VSTM5: variants seen among roughly 807,000 people sequenced by gnomAD.
The protein encoded by VSTM5 is V-set and transmembrane domain-containing protein 5.
Under a neutral mutation model 20.3 loss-of-function variants are expected in VSTM5, and 21 were observed. The ratio of observed to expected loss-of-function variants is 1.03; its 90% CI spans 0.73 to 1.49. The LOEUF (loss-of-function observed/expected upper bound fraction) is 1.49. Among genes scored for constraint, VSTM5 ranks in the 40% most tolerant of loss-of-function variants. VSTM5 has a pLI of 0.00. For synonymous variants in VSTM5, 100 were observed against 102.5 expected (o/e 0.98, Z 0.14); for missense variants, 219 against 250.0 (o/e 0.88, Z 0.84).
At chr11:93,846,746 T>C (rs1250004943) in intron 1 of VSTM5, among the ~76,000 whole-genome samples, 1 of 143,430 alleles carries the variant, frequency 7.0e-6, no homozygotes, top group Non-Finnish European at 1.5e-5. Flanking sequence ...AATGAATGCA[T>C]TTTTAAAAAA....
At chr11:93,828,613 T>A (rs565229335) in intron 1 of VSTM5, among the ~76,000 whole-genome samples, 1 of 152,236 alleles carries the variant, frequency 6.6e-6, no homozygotes, top group East Asian at 1.9e-4. Context: ...CAACATAGTC[T>A]CTGCATTTAA....
chr11:93,839,638 G>A (rs1417849331), intron 1 of VSTM5, among the ~76,000 whole-genome samples: 1 of 152,160 alleles, frequency 6.6e-6, no homozygotes, highest in African/African-American at 2.4e-5. Context: ...GGGCAGTGGC[G>A]TGATCAGGCC....
intron 1 of VSTM5, among the ~76,000 whole-genome samples, chr11:93,837,190 C>T (rs1008118690): frequency 3.3e-5 from 5 of 152,082 alleles, no homozygotes; most frequent in African/African-American, 9.7e-5. Context: ...TGCCACCACA[C>T]CTGGCTAATT....
chr11:93,835,220 T>A (rs1437960534), intron 1 of VSTM5, among the ~76,000 whole-genome samples: 1 of 151,376 alleles, frequency 6.6e-6, no homozygotes, highest in East Asian at 1.9e-4. Context: ...AGGCCAGGAG[T>A]TCGAGAGCAG....
intron 1 of VSTM5, among the ~76,000 whole-genome samples, chr11:93,824,024 CAGCCTCCCGAGT>C (rs1380997935): frequency 1.3e-5 from 2 of 152,008 alleles, no homozygotes; most frequent in African/African-American, 4.8e-5. Context: ...TCTCCTGTCT[CAGCCTCCCGAGT>C]AGCTGGGATT....
At chr11:93,838,364 C>T (rs538709652) in intron 1 of VSTM5, among the ~76,000 whole-genome samples, 7 of 151,914 alleles carry the variant, frequency 4.6e-5, no homozygotes, top group Non-Finnish European at 8.8e-5. Flanking sequence ...CATAGCTACT[C>T]GGGAGACTGA....
intron 1 of VSTM5, among the ~76,000 whole-genome samples, chr11:93,848,689 G>A (rs1449664705): frequency 6.6e-6 from 1 of 152,202 alleles, no homozygotes; most frequent in Non-Finnish European, 1.5e-5. Context: ...TTGCATGTCT[G>A]TCTTCTCCAT....
chr11:93,822,928 TTATA>T (rs563817671), intron 1 of VSTM5, among the ~76,000 whole-genome samples: 294 of 152,346 alleles, frequency 1.9e-3, no homozygotes, highest in Non-Finnish European at 3.5e-3. Flanking sequence ...CGAATCTATA[TTATA>T]ACTTCTGCGC....
In VSTM5 at chr11:93,850,506, C is replaced by A. The variant is rs570082851; in HGVS notation, c.-4G>T. On this transcript the variant is annotated 5_prime_UTR_variant, in exon 1 of 4. Transcript: ENST00000409977. ...TCCCGCTGGGCAGAGGCCTCATGGGCGAGCCCGGGGCCTCGCGGGCCGGGG... is the reference window on the plus strand; with the variant it reads ...TCCCGCTGGGCAGAGGCCTCATGGGAGAGCCCGGGGCCTCGCGGGCCGGGG... 5.0e-5 allele frequency: 77 copies of A among 1,548,124 alleles called. No individual in the cohort carries two copies. In the African/African-American group the frequency reaches 8.9e-4, roughly 18 times the overall value.
rs369402991 is a variant in VSTM5 at position 93,827,063 on chromosome 11, A to C, written c.92-5740T>G. ...GAACAAAGCGGTTTCTCCTTCCATC[A>C]ATCTATCACATATAATTAGGAATAA... On this transcript the variant is annotated intron_variant, in intron 1 of 3. Transcript: ENST00000409977. 1.5e-3 allele frequency among the ~76,000 whole-genome samples: 227 copies of C among 152,272 alleles called. 1 individual carries two copies. The highest frequency in any genetic ancestry group is 5.1e-3 in the African/African-American group (212 of 41,564).
intron 1 of VSTM5, among the ~76,000 whole-genome samples, chr11:93,836,113 C>T (rs536001909): frequency 2.0e-5 from 3 of 152,204 alleles, no homozygotes; most frequent in Admixed American, 6.5e-5. Flanking sequence ...TCCCATCTGT[C>T]ACAGGGTCCT....
chr11:93,831,582 T>G (rs1360129337), intron 1 of VSTM5, among the ~76,000 whole-genome samples: 1 of 152,206 alleles, frequency 6.6e-6, no homozygotes, highest in African/African-American at 2.4e-5. Context: ...CAGCTCATCT[T>G]GGAGAGGGCT....
rs1352639044 is a variant in VSTM5 at position 93,820,510 on chromosome 11, T to C, written c.*59A>G. The C allele has an allele frequency of 3.2e-6, 5 of 1,540,840 alleles. No individual in the cohort carries two copies. The highest frequency in any genetic ancestry group is 4.4e-6 in the Non-Finnish European group (5 of 1,137,894). ...CAATGGGTATAATAGCTGTGCTTGC[T>C]CTTTTTGTTGGAGAATGGTTTCCTC... On this transcript the variant is annotated 3_prime_UTR_variant, in exon 4 of 4. Transcript: ENST00000409977.
At chr11:93,828,116 C>G (rs1296096069) in intron 1 of VSTM5, among the ~76,000 whole-genome samples, 1 of 152,112 alleles carries the variant, frequency 6.6e-6, no homozygotes, top group East Asian at 1.9e-4. Flanking sequence ...TCTTGGCCAG[C>G]AAAATTTAAA....
intron 1 of VSTM5, among the ~76,000 whole-genome samples, chr11:93,836,890 G>T (rs1288290851): frequency 6.6e-6 from 1 of 151,888 alleles, no homozygotes; most frequent in Non-Finnish European, 1.5e-5. Context: ...GGAGGTATGG[G>T]GTACAGAACC....
At chr11:93,830,846 TG>T (rs1263926177) in intron 1 of VSTM5, among the ~76,000 whole-genome samples, 1 of 151,876 alleles carries the variant, frequency 6.6e-6, no homozygotes, top group Non-Finnish European at 1.5e-5. Flanking sequence ...CTCTGCGTCC[TG>T]GGCTTAAGCT....
intron 1 of VSTM5, among the ~76,000 whole-genome samples, chr11:93,844,686 C>G (rs1049475385): frequency 2.0e-5 from 3 of 152,210 alleles, no homozygotes; most frequent in African/African-American, 7.2e-5. Flanking sequence ...CTCTCCTTAC[C>G]TGACTACCTC....
chr11:93,848,997 A>T (rs1489921241), intron 1 of VSTM5, among the ~76,000 whole-genome samples: 2 of 152,226 alleles, frequency 1.3e-5, no homozygotes, highest in Non-Finnish European at 2.9e-5. Context: ...TAGCTGCCAG[A>T]GGAACATGCC....
intron 1 of VSTM5, among the ~76,000 whole-genome samples, chr11:93,823,809 C>A (rs142962437): frequency 1.0e-4 from 15 of 150,338 alleles, no homozygotes; most frequent in African/African-American, 3.2e-4. Context: ...CATGTCTTGG[C>A]TATTGTGAAT....
Sources: gnomAD v4.1 joint callset for allele counts (sites outside exome capture counted in the v4.1 genomes callset) on GRCh38, gnomAD v4.1.1 for gene constraint, MANE v1.5 for transcripts, NCBI Gene and HGNC (gene_info 2026-07-23, HGNC 2026-07-21) for gene names.